The following SATL1 variants were observed in gnomAD, a reference collection of about 807,000 sequenced individuals.
SATL1 encodes spermidine/spermine N1-acetyl transferase like 1.
Under a neutral mutation model 51.8 loss-of-function variants are expected in SATL1, and 47 were observed. The ratio of observed to expected loss-of-function variants is 0.91; its 90% CI spans 0.72 to 1.16. The LOEUF (loss-of-function observed/expected upper bound fraction) is 1.16. Among genes scored for constraint, SATL1 ranks in the 50% most tolerant of loss-of-function variants. SATL1 has a pLI of 0.00. For missense variants in SATL1, 520 were observed against 526.4 expected, an observed-to-expected ratio of 0.99 and a Z score of 0.12; for synonymous variants, 176 against 182.4, an observed-to-expected ratio of 0.97 and a Z score of 0.28.
intron 2 of SATL1, chrX:85,208,704 G>C (rs1370464417): frequency 8.9e-6 from 1 of 112,227 alleles, no homozygotes; most frequent in Non-Finnish European, 1.9e-5. Flanking sequence ...GTCTTCTTTT[G>C]AGAAGTGTCT....
Position 85,225,863 on chromosome X carries a change from T to G in SATL1, c.-434-1537A>C, listed in dbSNP as rs371504541. On this transcript the variant is annotated intron_variant, in intron 1 of 7. Coordinates refer to ENST00000644105, the MANE Select transcript of SATL1 (RefSeq NM_001367857.2). ...TGTGCTCCAGGAATTAGGAGGGAGCTATCCCCTGTTCCCTGGTCTTGATCT... is the reference window on the plus strand; with the variant it reads ...TGTGCTCCAGGAATTAGGAGGGAGCGATCCCCTGTTCCCTGGTCTTGATCT... Among the ~76,000 whole-genome samples, 16 of 111,196 alleles carry G rather than the reference T, an allele frequency of 1.4e-4. No homozygotes were observed. The East Asian group carries it at 3.7e-3, about 26-fold the overall frequency.
At chrX:85,115,037 A>G (rs1228896043) in intron 2 of SATL1, among the ~76,000 whole-genome samples, 1 of 111,582 alleles carries the variant, frequency 9.0e-6, no homozygotes, top group Non-Finnish European at 1.9e-5. Flanking sequence ...CATACTGGGA[A>G]GGGGTTGGAA....
At chrX:85,158,351 C>T (rs1476696908) in intron 2 of SATL1, among the ~76,000 whole-genome samples, 1 of 111,775 alleles carries the variant, frequency 8.9e-6, no homozygotes, top group Non-Finnish European at 1.9e-5. Flanking sequence ...TAGCTTATAG[C>T]TTTCAAAGTT....
At chrX:85,229,693 TAA>T (rs1928341897) in intron 1 of SATL1, among the ~76,000 whole-genome samples, 1 of 111,238 alleles carries the variant, frequency 9.0e-6, no homozygotes, top group Admixed American at 9.5e-5. Context: ...TAGAAAACTG[TAA>T]AGACTCCACA....
chrX:85,169,512 C>T (rs7050416), intron 2 of SATL1, among the ~76,000 whole-genome samples: 28,040 of 110,462 alleles, frequency 0.25, 3,905 homozygotes, highest in African/African-American at 0.53. Flanking sequence ...CCAACAAAAA[C>T]ATGCAAAAAA....
At chrX:85,140,116 C>A (rs1926073409) in intron 2 of SATL1, among the ~76,000 whole-genome samples, 1 of 111,793 alleles carries the variant, frequency 8.9e-6, no homozygotes, top group Non-Finnish European at 1.9e-5. Flanking sequence ...CAATCTAATA[C>A]TTTTAAATTA....
At chrX:85,098,906 C>T (rs1310755855) in intron 4 of SATL1, among the ~76,000 whole-genome samples, 2 of 110,922 alleles carry the variant, frequency 1.8e-5, no homozygotes, top group African/African-American at 3.3e-5. Context: ...AAAAGAAGAG[C>T]AAACTAAGCC....
intron 1 of SATL1, among the ~76,000 whole-genome samples, chrX:85,233,664 C>T (rs749032418): frequency 8.9e-6 from 1 of 112,035 alleles, no homozygotes; most frequent in Non-Finnish European, 1.9e-5. Flanking sequence ...ATGCATCAGT[C>T]TCTTAACTGC....
At chrX:85,223,315 G>A (rs867194357) in intron 2 of SATL1, among the ~76,000 whole-genome samples, 8 of 111,362 alleles carry the variant, frequency 7.2e-5, no homozygotes, top group Non-Finnish European at 1.3e-4. Flanking sequence ...GTAGTGTTGG[G>A]TAAGTGCCTG....
chrX:85,125,763 A>G (rs1925612386), intron 2 of SATL1, among the ~76,000 whole-genome samples: 1 of 109,574 alleles, frequency 9.1e-6, no homozygotes, highest in African/African-American at 3.3e-5. Flanking sequence ...TATATAGCCA[A>G]TCCATTATTG....
At chrX:85,154,530 T>C (rs991595964) in intron 2 of SATL1, among the ~76,000 whole-genome samples, 2 of 111,957 alleles carry the variant, frequency 1.8e-5, no homozygotes, top group Non-Finnish European at 3.8e-5. Context: ...GAATTATAAA[T>C]GTTTCACACC....
intron 1 of SATL1, among the ~76,000 whole-genome samples, chrX:85,242,157 T>C (rs1928617751): frequency 2.7e-5 from 3 of 112,087 alleles, no homozygotes; most frequent in Admixed American, 1.9e-4. Flanking sequence ...AAAAATTATC[T>C]CCCACAGTGT....
chrX:85,218,646 C>T (rs1397642393), intron 2 of SATL1, among the ~76,000 whole-genome samples: 2 of 111,682 alleles, frequency 1.8e-5, no homozygotes, highest in East Asian at 5.6e-4. Context: ...TTCATAAAAG[C>T]AACAAATTTA....
At chrX:85,182,502 C>T (rs966291445) in intron 2 of SATL1, among the ~76,000 whole-genome samples, 6 of 111,674 alleles carry the variant, frequency 5.4e-5, no homozygotes, top group African/African-American at 1.9e-4. Flanking sequence ...TGTTTGACAC[C>T]TTGGTTGTTT....
intron 2 of SATL1, among the ~76,000 whole-genome samples, chrX:85,129,763 GTAT>G (rs1925731025): frequency 9.0e-6 from 1 of 111,583 alleles, no homozygotes; most frequent in Admixed American, 9.6e-5. Context: ...TGCCCATTCA[GTAT>G]GATATTAGCT....
At chrX:85,133,740 G>A (rs1264452507) in intron 2 of SATL1, among the ~76,000 whole-genome samples, 1 of 111,887 alleles carries the variant, frequency 8.9e-6, no homozygotes, top group Non-Finnish European at 1.9e-5. Context: ...TGTCAATCAT[G>A]CTGGGAACTG....
intron 2 of SATL1, among the ~76,000 whole-genome samples, chrX:85,114,790 T>C (rs1480779976): frequency 1.8e-5 from 2 of 112,562 alleles, no homozygotes; most frequent in Non-Finnish European, 3.7e-5. Flanking sequence ...TCAAACCCAG[T>C]TCTTAATAAA....
intron 2 of SATL1, among the ~76,000 whole-genome samples, chrX:85,183,532 C>G (rs1022494825): frequency 8.1e-5 from 9 of 111,021 alleles, no homozygotes; most frequent in African/African-American, 2.6e-4. Context: ...TCTTTTTGCT[C>G]AGAACTGCTT....
In SATL1 at chrX:85,107,883, T is replaced by TCTGGGG; in HGVS notation, c.1080_1085dup (p.Pro361_Arg362insSerPro). 8.3e-7 allele frequency: 1 copy of TCTGGGG among 1,211,314 alleles called. No homozygotes were observed. The highest frequency in any genetic ancestry group is 1.1e-6 in the Non-Finnish European group (1 of 895,395). The stretch of plus-strand genomic sequence containing the variant: ...TGCCTGCTTGGCTCGTGCTTGATTG[T>TCTGGGG]CTGGGGCCTGATTGGCTTGGGGCTC... On this transcript the variant is annotated inframe_insertion, in exon 3 of 8. Transcript: ENST00000644105.
Sources: allele counts gnomAD v4.1 joint callset (sites outside exome capture counted in the v4.1 genomes callset), GRCh38; gene constraint gnomAD v4.1.1; transcripts MANE v1.5; gene names NCBI Gene and HGNC (gene_info 2026-07-23, HGNC 2026-07-21).